The following ITIH2 variants were observed in gnomAD, a reference collection of about 807,000 sequenced individuals.
The protein encoded by ITIH2 is inter-alpha-trypsin inhibitor heavy chain H2.
ITIH2 carries 103 observed loss-of-function variants against 104.4 expected under a neutral mutation model. That is an observed-to-expected ratio of 0.99 (90% CI 0.84 to 1.16). The LOEUF (loss-of-function observed/expected upper bound fraction) is 1.16, where lower values mean the gene tolerates loss of function less well. ITIH2 is among the 50% of genes most tolerant of loss of function. The probability of loss-of-function intolerance (pLI) is 0.00; values close to 1 mark genes in which losing one functional copy is unlikely to be tolerated. For synonymous variants in ITIH2, 436 were observed against 435.4 expected, an observed-to-expected ratio of 1.00 and a Z score of -0.02; for missense variants, 1,108 against 1,162.4, an observed-to-expected ratio of 0.95 and a Z score of 0.68.
intron 4 of ITIH2, among the ~76,000 whole-genome samples, chr10:7,710,833 T>G (rs533823782): frequency 3.9e-5 from 6 of 152,122 alleles, no homozygotes; most frequent in African/African-American, 1.4e-4. Flanking sequence ...TGTCTAGAAA[T>G]GACATTGAAA....
intron 11 of ITIH2, among the ~76,000 whole-genome samples, chr10:7,729,694 C>T (rs904687046): frequency 6.6e-6 from 1 of 152,140 alleles, no homozygotes; most frequent in Non-Finnish European, 1.5e-5. Flanking sequence ...TCTAACCAAG[C>T]GCCCTCATTG....
At position 7,703,389 on chromosome 10, in the gene ITIH2, C is replaced by G. The variant is rs760135551; in HGVS notation, c.-46C>G. On this transcript the variant is annotated 5_prime_UTR_variant, in exon 1 of 21. Transcript: ENST00000358415. ...GTTCAGTAGGAAGAAGTGATATCCT[C>G]CCCAGACCATCTGCTTTGGGGAGCT... The G allele has an allele frequency of 1.5e-6, 2 of 1,330,456 alleles. No individual in the cohort carries two copies. The highest frequency in any genetic ancestry group is 2.2e-6 in the Non-Finnish European group (2 of 921,426). The allele number at this position is 1,330,456 out of a possible 1,614,324, so 82.4% of individuals were successfully genotyped here. A position where few individuals can be genotyped will look rare whatever the true frequency, so the allele number is the denominator to read the frequency against.
At chr10:7,718,692 G>A (rs1834874229) in intron 6 of ITIH2, among the ~76,000 whole-genome samples, 1 of 152,038 alleles carries the variant, frequency 6.6e-6, no homozygotes, top group African/African-American at 2.4e-5. Context: ...CCTCACCCTC[G>A]AGTAGGCCCT....
At chr10:7,740,602 T>A (rs1473496688) in intron 16 of ITIH2, among the ~76,000 whole-genome samples, 3 of 152,230 alleles carry the variant, frequency 2.0e-5, no homozygotes, top group Non-Finnish European at 4.4e-5. Context: ...TACTTTTAAA[T>A]ATTCTTCCCA....
In ITIH2 at chr10:7,731,638, T is replaced by C. The variant is rs548066761; in HGVS notation, c.1462-173T>C. On this transcript the variant is annotated intron_variant, in intron 12 of 20. Transcript: ENST00000358415. ...TACTTGTGGGGCTGAGGTGGGATAA[T>C]TGCTTGAACCCAGGAGCCGGAGATT... is the stretch of plus-strand genomic sequence containing the variant. Among the ~76,000 whole-genome samples the C allele has an allele frequency of 7.5e-4, 114 of 152,124 alleles. 1 individual carries two copies. Among genetic ancestry groups the C allele is most frequent in the African/African-American group, 2.7e-3 (111 of 41,488 alleles).
At chr10:7,748,769 C>T (rs1835205972) in intron 20 of ITIH2, among the ~76,000 whole-genome samples, 2 of 151,782 alleles carry the variant, frequency 1.3e-5, no homozygotes, top group Non-Finnish European at 2.9e-5. Flanking sequence ...TGGTCTTGAA[C>T]TCCTGGCCTC....
rs1490072585 is a variant in ITIH2, at chr10:7,703,358, A to G, written c.-77A>G. 4.3e-6 allele frequency: 4 copies of G among 933,928 alleles called. No individual in the cohort carries two copies. The highest frequency in any genetic ancestry group is 1.6e-5 in the African/African-American group (1 of 61,360). 57.9% of individuals were successfully genotyped at this position (933,928 alleles called of 1,614,324 possible). ...ACTGTACTCCTCTGCTGTTCCTTTG[A>G]ACTTGGTTCAGTAGGAAGAAGTGAT... On this transcript the variant is annotated 5_prime_UTR_variant, in exon 1 of 21. Coordinates refer to ENST00000358415, the MANE Select transcript of ITIH2 (RefSeq NM_002216.3).
intron 4 of ITIH2, among the ~76,000 whole-genome samples, chr10:7,711,359 C>G (rs1270385555): frequency 6.6e-6 from 1 of 152,172 alleles, no homozygotes; most frequent in Non-Finnish European, 1.5e-5. Context: ...GTACAAAGGA[C>G]AGAATCGTGA....
chr10:7,727,656 G>A (rs201613595), intron 10 of ITIH2, 47 bp from the exon 11 acceptor site: 500 of 1,599,172 alleles, frequency 3.1e-4, no homozygotes, highest in Non-Finnish European at 3.0e-4. Flanking sequence ...GATTTTCTGC[G>A]TGTGGCGAGA....
rs1302525506 is a variant in ITIH2 at position 7,729,957 on chromosome 10, C to A, written c.1285C>A (p.Leu429Ile). Residue 429 changes from leucine (L) to isoleucine (I), a missense_variant, in exon 12 of 21, where the codon CTA becomes ATA. Leu to Ile is a conservative substitution (Grantham distance 5, BLOSUM62 2). Coordinates refer to ENST00000358415, the MANE Select transcript of ITIH2 (RefSeq NM_002216.3). Reference sequence around the variant, plus strand: ...TCGGACATCACCAACTTTAGGCGAACTAAAACTGTCAAAAATTCAGAAAAA... The same window carrying A: ...TCGGACATCACCAACTTTAGGCGAAATAAAACTGTCAAAAATTCAGAAAAA... ...VSDGDPTVGE[L>I]KLSKIQKNVK... is the part of the protein sequence containing the mutation. 5.6e-6 allele frequency: 9 copies of A among 1,598,078 alleles called. No individual in the cohort carries two copies. Among genetic ancestry groups the A allele is most frequent in the Non-Finnish European group, 6.0e-6 (7 of 1,173,660 alleles).
rs774761797 is a variant in ITIH2, at chr10:7,744,203, T to G, written c.2331T>G (p.Thr777=). 2.2e-5 allele frequency: 36 copies of G among 1,614,020 alleles called. No homozygotes were observed. The Admixed American group carries it at 5.8e-4, about 26-fold the overall frequency. ...AAGACATAAAAATAGAAATCAGCACTGAGACCATCACCCTGAGCCATGGTT... is the reference window on the plus strand; with the variant it reads ...AAGACATAAAAATAGAAATCAGCACGGAGACCATCACCCTGAGCCATGGTT... ...QSEDIKIEIS[T]ETITLSHGSS... Residue 777 remains threonine, a synonymous_variant, in exon 18 of 21, where the codon ACT becomes ACG. Transcript: ENST00000358415.
At chr10:7,748,518 ATTCTTT>A (rs1835202117) in intron 20 of ITIH2, among the ~76,000 whole-genome samples, 3 of 29,008 alleles carry the variant, frequency 1.0e-4, no homozygotes, top group East Asian at 1.1e-3. Context: ...CCGCCAATGC[ATTCTTT>A]TTTTTTTTTT....
chr10:7,729,741 C>T, intron 11 of ITIH2: 1 of 449,616 alleles, frequency 2.2e-6, no homozygotes, highest in Non-Finnish European at 3.9e-6. Flanking sequence ...GTTGCTAATT[C>T]CCAAATAATG....
intron 6 of ITIH2, among the ~76,000 whole-genome samples, chr10:7,719,640 AGTCCCACCCACTTGGGAGGC>A (rs1834882151): frequency 6.6e-6 from 1 of 151,450 alleles, no homozygotes; most frequent in South Asian, 2.1e-4. Context: ...GCTCCCCTGT[AGTCCCACCCACTTGGGAGGC>A]TGAGGCAGGA....
At chr10:7,711,891 G>A (rs981192724) in intron 4 of ITIH2, among the ~76,000 whole-genome samples, 14 of 152,152 alleles carry the variant, frequency 9.2e-5, no homozygotes, top group African/African-American at 3.4e-4. Context: ...AAGTTCCCAT[G>A]TACTTCCAAA....
chr10:7,706,701 G>A (rs1834750594), intron 2 of ITIH2, among the ~76,000 whole-genome samples: 1 of 152,296 alleles, frequency 6.6e-6, no homozygotes, highest in East Asian at 1.9e-4. Context: ...CCTAGTCTTG[G>A]GGTGTTAGAG....
At position 7,734,907 on chromosome 10, in the gene ITIH2, A is replaced by T. The variant is rs767881049; in HGVS notation, c.1788-15A>T. ...TGCAGCCATGCTCCATAACACCTCTACTTCTTGAATACAGAAGCCTGGCTC... is the reference window on the plus strand; with the variant it reads ...TGCAGCCATGCTCCATAACACCTCTTCTTCTTGAATACAGAAGCCTGGCTC... On this transcript the variant is annotated splice_polypyrimidine_tract_variant and intron_variant, in intron 14 of 20. Transcript: ENST00000358415. The T allele has an allele frequency of 6.2e-7, 1 of 1,604,338 alleles. No individual in the cohort carries two copies. The highest frequency in any genetic ancestry group is 8.5e-7 in the Non-Finnish European group (1 of 1,177,204).
Position 7,749,385 on chromosome 10 carries a change from C to A in ITIH2, c.*51C>A. The A allele has an allele frequency of 6.8e-7, 1 of 1,460,990 alleles. No homozygotes were observed. The highest frequency in any genetic ancestry group is 2.1e-4 in the Middle Eastern group (1 of 4,678). The allele number at this position is 1,460,990 out of a possible 1,614,324, so 90.5% of individuals were successfully genotyped here. On this transcript the variant is annotated 3_prime_UTR_variant, in exon 21 of 21. Transcript: ENST00000358415. ...ATATTAATATACATCTTTCCCCTGTCACTTTTGCAGATATTCTTCGGTTTG... is the reference window on the plus strand; with the variant it reads ...ATATTAATATACATCTTTCCCCTGTAACTTTTGCAGATATTCTTCGGTTTG...
At chr10:7,732,623 G>A (rs1835014627) in intron 14 of ITIH2, 146 bp downstream of exon 14, 1 of 740,546 alleles carries the variant, frequency 1.4e-6, no homozygotes, top group Non-Finnish European at 2.1e-6. Context: ...CACTAGTTCT[G>A]AACACTTCAG....
Sources: allele counts gnomAD v4.1 joint callset (sites outside exome capture counted in the v4.1 genomes callset), GRCh38; gene constraint gnomAD v4.1.1; transcripts MANE v1.5; gene names NCBI Gene and HGNC (gene_info 2026-07-23, HGNC 2026-07-21).